The following ALX1 variants were observed in gnomAD, a reference collection of about 807,000 sequenced individuals.
ALX1 encodes ALX homeobox 1.
Under a neutral mutation model 31.7 loss-of-function variants are expected in ALX1, and 19 were observed. The observed-to-expected ratio is 0.60, with a 90% confidence interval of 0.42 to 0.88. ALX1 has a LOEUF of 0.88. ALX1 is among the 40% of genes least tolerant of loss of function. The pLI, the probability that ALX1 is intolerant of heterozygous loss-of-function variation, is 0.00. For missense variants in ALX1, 415 were observed against 407.8 expected (o/e 1.02, Z -0.15); for synonymous variants, 153 against 148.8 (o/e 1.03, Z -0.20).
chr12:85,298,438 A>G (rs1896918584), intron 3 of ALX1, among the ~76,000 whole-genome samples: 1 of 151,790 alleles, frequency 6.6e-6, no homozygotes, highest in Admixed American at 6.6e-5. Flanking sequence ...CCCAGAGGGC[A>G]GGCTTCAGAG....
At chr12:85,296,876 A>C (rs1014535500) in intron 3 of ALX1, among the ~76,000 whole-genome samples, 1 of 151,466 alleles carries the variant, frequency 6.6e-6, no homozygotes, top group Non-Finnish European at 1.5e-5. Flanking sequence ...TCTATGAAAT[A>C]GTTCAAAATA....
rs370293266 is a variant in ALX1 at position 85,280,285 on chromosome 12, T to C, written c.24T>C (p.Phe8=). 1.2e-6 allele frequency: 2 copies of C among 1,613,424 alleles called. No homozygotes were observed. The highest frequency in any genetic ancestry group is 1.3e-5 in the African/African-American group (1 of 74,922). MEFLSEK[F]ALKSPPSKNS... ...TTATGGAGTTTCTGAGCGAGAAGTT[T>C]GCCCTCAAGAGCCCTCCGAGTAAAA... The change falls in exon 1 of 4, where the codon TTT becomes TTC. Residue 8 remains phenylalanine (F), a synonymous_variant. Coordinates refer to ENST00000316824, the MANE Select transcript of ALX1 (RefSeq NM_006982.3).
In ALX1 at chr12:85,286,963, G is replaced by C. The variant is rs1284706850; in HGVS notation, c.642G>C (p.Arg214Ser). ...CCTATGATATATCAGTTTTGCCAAG[G>C]ACTGACAGCTACCCACAGGTATGCT... is the stretch of plus-strand genomic sequence containing the variant. The part of the protein sequence containing the change: ...AATYDISVLP[R>S]TDSYPQIQNN... The change falls in exon 3 of 4, where the codon AGG (arginine) becomes AGC (serine). Residue 214 changes from arginine to serine, a missense_variant. By Grantham distance (110) the Arg-to-Ser change is moderately radical (BLOSUM62 -1). Around this residue, in one of 3 missense-constraint regions of ALX1, gnomAD observed 174 missense variants for 177.5 expected, o/e 0.98. Transcript: ENST00000316824. 6.2e-7 allele frequency: 1 copy of C among 1,612,108 alleles called. No individual in the cohort carries two copies. Among genetic ancestry groups the C allele is most frequent in the African/African-American group, 1.3e-5 (1 of 74,936 alleles).
At chr12:85,288,393 G>A (rs1896776491) in intron 3 of ALX1, among the ~76,000 whole-genome samples, 1 of 151,474 alleles carries the variant, frequency 6.6e-6, no homozygotes, top group Admixed American at 6.6e-5. Context: ...CTATTTTAAA[G>A]CATGAGGCTA....
At chr12:85,292,848 G>C (rs758304999) in intron 3 of ALX1, among the ~76,000 whole-genome samples, 1 of 150,800 alleles carries the variant, frequency 6.6e-6, no homozygotes, top group Non-Finnish European at 1.5e-5. Flanking sequence ...AAAGGCATTT[G>C]TAGCATTTTT....
At chr12:85,280,738 G>C (rs1237474230) in intron 1 of ALX1, among the ~76,000 whole-genome samples, 2 of 152,172 alleles carry the variant, frequency 1.3e-5, no homozygotes, top group East Asian at 3.9e-4. Flanking sequence ...TTTCGCTGTA[G>C]GGTCTGGTCG....
chr12:85,290,551 A>G (rs1406168154), intron 3 of ALX1, among the ~76,000 whole-genome samples: 1 of 151,164 alleles, frequency 6.6e-6, no homozygotes, highest in African/African-American at 2.4e-5. Context: ...CTTTGATAGC[A>G]AACAAATAAG....
At chr12:85,280,781 G>T (rs1402390893) in intron 1 of ALX1, among the ~76,000 whole-genome samples, 2 of 152,086 alleles carry the variant, frequency 1.3e-5, no homozygotes, top group East Asian at 3.9e-4. Flanking sequence ...TGTAATATTG[G>T]TTCCTGGAGT....
At chr12:85,287,710 G>GTCTTT (rs1245523813) in intron 3 of ALX1, among the ~76,000 whole-genome samples, 1 of 149,978 alleles carries the variant, frequency 6.7e-6, no homozygotes. Flanking sequence ...GTAAATGTTT[G>GTCTTT]TCTTTCTAAT....
chr12:85,294,707 C>T (rs560611890), intron 3 of ALX1, among the ~76,000 whole-genome samples: 1 of 151,090 alleles, frequency 6.6e-6, no homozygotes, highest in Admixed American at 6.6e-5. Flanking sequence ...TAAAAGTAGA[C>T]ATACACATTT....
chr12:85,291,808 A>G (rs539496571), intron 3 of ALX1, among the ~76,000 whole-genome samples: 4 of 151,194 alleles, frequency 2.6e-5, no homozygotes, highest in Non-Finnish European at 4.5e-5. Context: ...CCCTCTGTTT[A>G]TAGACTACAG....
In ALX1 at chr12:85,301,594, T is replaced by C; in HGVS notation, c.*119T>C. ...AATTGCTAAAGGTCAAGATATTCAG[T>C]GAGACCAGCTTAAATGAATAGTTGT... On this transcript the variant is annotated 3_prime_UTR_variant, in exon 4 of 4. Coordinates refer to ENST00000316824, the MANE Select transcript of ALX1 (RefSeq NM_006982.3). 1 of 1,016,350 alleles carries C rather than the reference T, an allele frequency of 9.8e-7. No homozygotes were observed. Among genetic ancestry groups the C allele is most frequent in the Non-Finnish European group, 1.5e-6 (1 of 675,152 alleles). 63.0% of individuals were successfully genotyped at this position (1,016,350 alleles called of 1,614,324 possible).
chr12:85,299,062 A>AAC (rs58280909), intron 3 of ALX1, among the ~76,000 whole-genome samples: 9,983 of 151,710 alleles, frequency 0.066, 1,030 homozygotes, highest in African/African-American at 0.22. Flanking sequence ...AAATTCAAGA[A>AAC]ACTGTATAAA....
chr12:85,281,500 C>T (rs1318727550), intron 1 of ALX1, among the ~76,000 whole-genome samples: 4 of 152,166 alleles, frequency 2.6e-5, no homozygotes, highest in African/African-American at 7.2e-5. Context: ...CAACAAGCCC[C>T]CTGCCCCCTA....
At chr12:85,297,637 G>A (rs866624993) in intron 3 of ALX1, among the ~76,000 whole-genome samples, 46 of 151,448 alleles carry the variant, frequency 3.0e-4, no homozygotes, top group Middle Eastern at 3.4e-3. Context: ...TTTTCATTTG[G>A]AAGGAAGTTG....
chr12:85,280,516 G>C lies in ALX1; in HGVS notation c.226+29G>C, dbSNP rs759945013. On this transcript the variant is annotated intron_variant, in intron 1 of 3. Transcript: ENST00000316824. ...AGTCGCTAGCGCCCCAGCCGGAGCC[G>C]CCGCAGCCCTTCCGCAATCGAAAAT... 2.5e-6 allele frequency: 4 copies of C among 1,603,264 alleles called. No homozygotes were observed. The African/African-American group carries it at 5.4e-5, about 21-fold the overall frequency.
In ALX1 at chr12:85,280,485, G is replaced by C; in HGVS notation, c.224G>C (p.Ser75Thr). 3 of 1,610,318 alleles carry C rather than the reference G, an allele frequency of 1.9e-6. No homozygotes were observed. Among genetic ancestry groups the C allele is most frequent in the Non-Finnish European group, 2.5e-6 (3 of 1,179,848 alleles). Reference protein sequence around the residue: ...LERTSPCQDSSVNYGITKVEG... With the variant: ...LERTSPCQDSTVNYGITKVEG... ...AGGACCTCGCCCTGTCAGGACAGCA[G>C]CGGTGAGTCGCTAGCGCCCCAGCCG... is the stretch of plus-strand genomic sequence containing the variant. The change falls in exon 1 of 4, where the codon AGC becomes ACC. Residue 75 changes from serine to threonine, a missense_variant and splice_region_variant. Ser to Thr is a moderately conservative substitution (Grantham distance 58). Transcript: ENST00000316824.
intron 1 of ALX1, among the ~76,000 whole-genome samples, chr12:85,280,943 A>T: frequency 6.6e-6 from 1 of 152,008 alleles, no homozygotes; most frequent in African/African-American, 2.4e-5. Flanking sequence ...AAAAAACCGG[A>T]AAACAAAAAC....
chr12:85,299,867 G>A (rs1896940802), intron 3 of ALX1, among the ~76,000 whole-genome samples: 1 of 151,826 alleles, frequency 6.6e-6, no homozygotes, highest in South Asian at 2.1e-4. Flanking sequence ...AACAAATATA[G>A]GAAGACATAT....
Sources: gnomAD v4.1 joint callset for allele counts (sites outside exome capture counted in the v4.1 genomes callset) on GRCh38, gnomAD v4.1.1 for gene constraint, gnomAD v4.1.1 regional missense constraint, MANE v1.5 for transcripts, NCBI Gene and HGNC (gene_info 2026-07-23, HGNC 2026-07-21) for gene names.